KIRREL3: variants seen among roughly 807,000 people sequenced by gnomAD.
KIRREL3 encodes the protein kin of IRRE-like protein 3.
A neutral mutation model predicts 89.7 loss-of-function variants in KIRREL3; 36 were observed. The observed-to-expected ratio is 0.40, with a 90% CI of 0.31 to 0.53. KIRREL3 has a LOEUF of 0.53. Among genes scored for constraint, KIRREL3 ranks in the 20% least tolerant of loss-of-function variants. The pLI, the probability that KIRREL3 is intolerant of heterozygous loss-of-function variation, is 0.49. For missense variants in KIRREL3, 864 were observed against 1,056.6 expected, an observed-to-expected ratio of 0.82 and a Z score of 2.53; for synonymous variants, 445 against 441.4, an observed-to-expected ratio of 1.01 and a Z score of -0.10.
chr11:126,808,753 G>T lies in KIRREL3; in HGVS notation c.55+191702C>A, dbSNP rs1480546799. Among the ~76,000 whole-genome samples, 2 of 152,168 alleles carry T rather than the reference G, an allele frequency of 1.3e-5. No individual in the cohort carries two copies. The highest frequency in any genetic ancestry group is 2.9e-5 in the Non-Finnish European group (2 of 68,044). On this transcript the variant is annotated intron_variant, in intron 1 of 16. Coordinates refer to ENST00000525144, the MANE Select transcript of KIRREL3 (RefSeq NM_032531.4). This position sits in a 1 kb window ranked among gnomAD's most constrained non-coding sequence, Gnocchi z 4.1. ...CAATTTCCACATGCATATATAGAAT[G>T]AATTGTTGAGACGGAGAATATATTT...
chr11:126,648,887 G>A (rs1944797569), intron 1 of KIRREL3, among the ~76,000 whole-genome samples: 1 of 152,162 alleles, frequency 6.6e-6, no homozygotes, highest in South Asian at 2.1e-4. Context: ...ACAATTTCAG[G>A]TGTGTCATGT....
chr11:126,961,570 T>C (rs1263692029), intron 1 of KIRREL3, among the ~76,000 whole-genome samples: 1 of 152,222 alleles, frequency 6.6e-6, no homozygotes, highest in Non-Finnish European at 1.5e-5. Flanking sequence ...GGTTGGCTCA[T>C]GAGGTTTAAG....
In KIRREL3 at chr11:126,996,474, C is replaced by T. The variant is rs961898992; in HGVS notation, c.55+3981G>A. On this transcript the variant is annotated intron_variant, in intron 1 of 16. Transcript: ENST00000525144. This position sits in a 1 kb window ranked among gnomAD's most constrained non-coding sequence, Gnocchi z 4.7. ...CTTCCGATGCCTCCCCAACCCTGCC[C>T]CTCCCAAGGGAACTCCTTGCTAGTT... Among the ~76,000 whole-genome samples, 2 of 152,210 alleles carry T rather than the reference C, an allele frequency of 1.3e-5. No homozygotes were observed. Among genetic ancestry groups the T allele is most frequent in the African/African-American group, 4.8e-5 (2 of 41,452 alleles).
At chr11:126,679,023 G>T (rs1300986123) in intron 1 of KIRREL3, among the ~76,000 whole-genome samples, 1 of 152,204 alleles carries the variant, frequency 6.6e-6, no homozygotes, top group Non-Finnish European at 1.5e-5. Flanking sequence ...GGAGAACTCT[G>T]CTGAGGGGTT....
In KIRREL3 at chr11:126,684,293, G is replaced by A. The variant is rs1027646896; in HGVS notation, c.56-121381C>T. Among the ~76,000 whole-genome samples the A allele has an allele frequency of 2.6e-5, 4 of 152,240 alleles. No individual in the cohort carries two copies. Among genetic ancestry groups the A allele is most frequent in the Admixed American group, 1.3e-4 (2 of 15,292 alleles). ...CATTTCTGCCCTTCTGAAAGCGGGA[G>A]TTAGACTAGATTGGGGCTTTCAACA... On this transcript the variant is annotated intron_variant, in intron 1 of 16. Transcript: ENST00000525144. This position sits in a 1 kb window ranked among gnomAD's most constrained non-coding sequence, Gnocchi z 4.2.
At position 126,571,699 on chromosome 11, in the gene KIRREL3, T is replaced by C. The variant is rs925161748; in HGVS notation, c.56-8787A>G. 6.6e-6 allele frequency among the ~76,000 whole-genome samples: 1 copy of C among 152,142 alleles called. No individual in the cohort carries two copies. Among genetic ancestry groups the C allele is most frequent in the African/African-American group, 2.4e-5 (1 of 41,432 alleles). On this transcript the variant is annotated intron_variant, in intron 1 of 16. Coordinates refer to ENST00000525144, the MANE Select transcript of KIRREL3 (RefSeq NM_032531.4). This position sits in a 1 kb window ranked among gnomAD's most constrained non-coding sequence, Gnocchi z 7.7. ...TCACATTGCTAGTAAGTGCTGAGGT[T>C]AGTAAAGCTAATCATGAATGAGATT...
intron 1 of KIRREL3, among the ~76,000 whole-genome samples, chr11:126,617,816 A>G (rs966440417): frequency 1.3e-5 from 2 of 152,204 alleles, no homozygotes; most frequent in African/African-American, 4.8e-5. Context: ...CAAAACTAAG[A>G]TTTGAACTCA....
chr11:126,631,890 AT>A (rs1944041682), intron 1 of KIRREL3, among the ~76,000 whole-genome samples: 1 of 152,184 alleles, frequency 6.6e-6, no homozygotes, highest in Admixed American at 6.5e-5. Context: ...CTTATGGATT[AT>A]GTACCTTGCC....
At chr11:126,588,118 T>G (rs891418402) in intron 1 of KIRREL3, among the ~76,000 whole-genome samples, 1 of 152,176 alleles carries the variant, frequency 6.6e-6, no homozygotes, top group Non-Finnish European at 1.5e-5. Context: ...ATCAGCAAAA[T>G]GGGCTTTATT....
chr11:126,867,625 T>A lies in KIRREL3; in HGVS notation c.55+132830A>T, dbSNP rs368206600. On this transcript the variant is annotated intron_variant, in intron 1 of 16. Coordinates refer to ENST00000525144, the MANE Select transcript of KIRREL3 (RefSeq NM_032531.4). The surrounding 1 kb of genome is among the most constrained non-coding windows in gnomAD (Gnocchi z 4.7). ...TACATTTCACCGAATGATTACCGAG[T>A]GCCATGCCCCATCAGGATGTGCTGG... 1.3e-5 allele frequency among the ~76,000 whole-genome samples: 2 copies of A among 152,146 alleles called. No homozygotes were observed. Among genetic ancestry groups the A allele is most frequent in the African/African-American group, 4.8e-5 (2 of 41,440 alleles).
At chr11:126,597,723 C>G (rs1193247000) in intron 1 of KIRREL3, among the ~76,000 whole-genome samples, 1 of 152,192 alleles carries the variant, frequency 6.6e-6, no homozygotes, top group Non-Finnish European at 1.5e-5. Context: ...CCCTTGTGGT[C>G]CCTGACACGG....
intron 4 of KIRREL3, among the ~76,000 whole-genome samples, chr11:126,478,660 T>C (rs542720393): frequency 9.5e-4 from 144 of 152,156 alleles, no homozygotes; most frequent in African/African-American, 3.0e-3. Context: ...TATGTGTATA[T>C]GTATATATGT....
chr11:126,503,837 C>G (rs897119999), intron 4 of KIRREL3, among the ~76,000 whole-genome samples: 1 of 151,488 alleles, frequency 6.6e-6, no homozygotes, highest in Non-Finnish European at 1.5e-5. Context: ...CCCTCTCTCT[C>G]TTTCTCCCTT....
At chr11:126,451,593 C>T (rs1956167851) in intron 7 of KIRREL3, among the ~76,000 whole-genome samples, 1 of 138,288 alleles carries the variant, frequency 7.2e-6, no homozygotes, top group Non-Finnish European at 1.5e-5. Flanking sequence ...CGTGTGTGTA[C>T]ATGTGTGAGC....
At chr11:126,629,400 C>G (rs1284373448) in intron 1 of KIRREL3, among the ~76,000 whole-genome samples, 1 of 152,046 alleles carries the variant, frequency 6.6e-6, no homozygotes, top group Non-Finnish European at 1.5e-5. Flanking sequence ...CTCTGGGGGG[C>G]CAGCTGGGAG....
At chr11:126,466,570 C>T (rs1489766264) in intron 5 of KIRREL3, among the ~76,000 whole-genome samples, 1 of 152,250 alleles carries the variant, frequency 6.6e-6, no homozygotes, top group Non-Finnish European at 1.5e-5. Context: ...TCTCTTCCCC[C>T]ATTCCTTTCT....
rs776303564 is a variant in KIRREL3 at position 126,645,091 on chromosome 11, G to C, written c.56-82179C>G. 6.6e-6 allele frequency among the ~76,000 whole-genome samples: 1 copy of C among 152,158 alleles called. No individual in the cohort carries two copies. Among genetic ancestry groups the C allele is most frequent in the Non-Finnish European group, 1.5e-5 (1 of 68,034 alleles). ...GAGTGGATAAATGAGCAGAGGTGAAGTGAACACAGCATATTCTGAATATAT... is the reference window on the plus strand; with the variant it reads ...GAGTGGATAAATGAGCAGAGGTGAACTGAACACAGCATATTCTGAATATAT... On this transcript the variant is annotated intron_variant, in intron 1 of 16. Coordinates refer to ENST00000525144, the MANE Select transcript of KIRREL3 (RefSeq NM_032531.4). This position sits in a 1 kb window ranked among gnomAD's most constrained non-coding sequence, Gnocchi z 4.9.
intron 1 of KIRREL3, among the ~76,000 whole-genome samples, chr11:126,798,013 G>A (rs1017051495): frequency 6.6e-6 from 1 of 152,114 alleles, no homozygotes; most frequent in Non-Finnish European, 1.5e-5. Context: ...TCATATCTTG[G>A]GGCCAGGTGG....
In KIRREL3 at chr11:126,710,665, C is replaced by T. The variant is rs534500286; in HGVS notation, c.56-147753G>A. On this transcript the variant is annotated intron_variant, in intron 1 of 16. Coordinates refer to ENST00000525144, the MANE Select transcript of KIRREL3 (RefSeq NM_032531.4). The surrounding 1 kb of genome is among the most constrained non-coding windows in gnomAD (Gnocchi z 4.2). ...CTCTCATCCCACTTGGACTCAGAGT[C>T]CCTGGTGCCCCGAAGGAAAGCAAAT... 1.3e-5 allele frequency among the ~76,000 whole-genome samples: 2 copies of T among 152,208 alleles called. No individual in the cohort carries two copies. The highest frequency in any genetic ancestry group is 3.9e-4 in the East Asian group (2 of 5,166).
Sources: gnomAD v4.1 joint callset for allele counts (sites outside exome capture counted in the v4.1 genomes callset) on GRCh38, gnomAD v4.1.1 for gene constraint, Gnocchi (gnomAD v3.1) non-coding constraint, MANE v1.5 for transcripts, NCBI Gene and HGNC (gene_info 2026-07-23, HGNC 2026-07-21) for gene names.